The following HPF1 variants were observed in gnomAD, a reference collection of about 807,000 sequenced individuals.
HPF1 encodes the protein histone PARylation factor 1.
Under a neutral mutation model 38.8 loss-of-function variants are expected in HPF1, and 35 were observed. That is an observed-to-expected ratio of 0.90 (90% CI 0.69 to 1.19). HPF1 has a LOEUF of 1.19. Ranked by LOEUF, HPF1 falls within the 50% of genes most tolerant of loss-of-function variation. The probability of loss-of-function intolerance (pLI) is 0.00; values close to 1 mark genes in which losing one functional copy is unlikely to be tolerated. For missense variants in HPF1, 367 were observed against 405.8 expected (o/e 0.90, Z 0.82); for synonymous variants, 115 against 139.2 (o/e 0.83, Z 1.22).
At chr4:169,739,408 G>A (rs868385867) in intron 5 of HPF1, among the ~76,000 whole-genome samples, 8 of 151,804 alleles carry the variant, frequency 5.3e-5, no homozygotes, top group Admixed American at 2.0e-4. Flanking sequence ...ATAGAGAAAT[G>A]GGCAGAGTTC....
chr4:169,752,168 CTTTTTT>C, intron 2 of HPF1, among the ~76,000 whole-genome samples: 2 of 107,178 alleles, frequency 1.9e-5, no homozygotes, highest in East Asian at 2.7e-4. Context: ...ACAGGCATGA[CTTTTTT>C]TTTTTTTTTT....
At chr4:169,745,078 G>A (rs538665393) in intron 4 of HPF1, among the ~76,000 whole-genome samples, 25 of 152,312 alleles carry the variant, frequency 1.6e-4, no homozygotes, top group African/African-American at 5.1e-4. Context: ...CAACTCACTC[G>A]CCAATTTCAG....
chr4:169,738,718 ATCTT>A (rs1010475663), intron 5 of HPF1, among the ~76,000 whole-genome samples: 2 of 152,250 alleles, frequency 1.3e-5, no homozygotes, highest in Admixed American at 6.5e-5. Flanking sequence ...TTCTATCTTA[ATCTT>A]TCTATCAAGA....
At chr4:169,732,829 G>A (rs781229380) in intron 6 of HPF1, among the ~76,000 whole-genome samples, 1 of 152,138 alleles carries the variant, frequency 6.6e-6, no homozygotes, top group African/African-American at 2.4e-5. Flanking sequence ...TATTTACATA[G>A]TGTCTACTTT....
chr4:169,751,260 G>A (rs777149710), intron 2 of HPF1, among the ~76,000 whole-genome samples: 3 of 151,916 alleles, frequency 2.0e-5, no homozygotes, highest in East Asian at 1.9e-4. Flanking sequence ...AAAATTAGCC[G>A]GGTGTGGTGG....
At position 169,731,703 on chromosome 4, in the gene HPF1, CAT is replaced by C. The variant is rs773969091; in HGVS notation, c.908_909del (p.His303LeufsTer4). 1.9e-5 allele frequency: 29 copies of C among 1,534,322 alleles called. No homozygotes were observed. The highest frequency in any genetic ancestry group is 3.5e-4 in the Middle Eastern group (2 of 5,682). On this transcript the variant is annotated frameshift_variant and splice_region_variant, in exon 7 of 8. Transcript: ENST00000393381. LOFTEE classifies it high-confidence loss of function. ...AGAAGGTGGAGGGTTTTTTTACTCA[CAT>C]GTGAGCCATAGCAAAAGAGATCCAT... ...LGMDLFCYGS[H>X]YFHKVAGQLL...
intron 4 of HPF1, among the ~76,000 whole-genome samples, chr4:169,744,041 C>A (rs893439596): frequency 4.6e-5 from 7 of 152,128 alleles, no homozygotes; most frequent in Non-Finnish European, 1.5e-5. Flanking sequence ...CTAAATCTTA[C>A]CTTCAATTAT....
rs28647380 is a variant in HPF1 at position 169,733,842 on chromosome 4, C to T, written c.737-1966G>A. ...TGCAGGAGGTGCAGGCTGCAGTGAG[C>T]CGTGGTCATGCCACTGCACTCCAGC... On this transcript the variant is annotated intron_variant, in intron 6 of 7. Coordinates refer to ENST00000393381, the MANE Select transcript of HPF1 (RefSeq NM_017867.3). 7.0e-3 allele frequency among the ~76,000 whole-genome samples: 1,051 copies of T among 151,102 alleles called. 12 individuals carry two copies. Among genetic ancestry groups the T allele is most frequent in the African/African-American group, 0.022 (920 of 41,168 alleles).
At chr4:169,741,891 G>T in intron 5 of HPF1, 66 bp downstream of exon 5, 1 of 1,335,358 alleles carries the variant, frequency 7.5e-7, no homozygotes, top group Non-Finnish European at 1.1e-6. Context: ...AGTAGAGATG[G>T]GAAGGAATCA....
intron 7 of HPF1, 77 bp from the exon 8 acceptor site, chr4:169,729,786 G>C (rs1733806361): frequency 2.7e-6 from 3 of 1,096,192 alleles, no homozygotes; most frequent in Non-Finnish European, 3.6e-6. Context: ...TATCAACAAA[G>C]CACTTGTTTA....
chr4:169,751,402 C>CA (rs55661737), intron 2 of HPF1, among the ~76,000 whole-genome samples: 8,610 of 70,892 alleles, frequency 0.12, 1,094 homozygotes, highest in African/African-American at 0.32. Flanking sequence ...GGCTCTGTCT[C>CA]AAAAAAAAAA....
intron 4 of HPF1, among the ~76,000 whole-genome samples, chr4:169,746,640 G>C (rs1734050921): frequency 6.6e-6 from 1 of 151,874 alleles, no homozygotes; most frequent in Non-Finnish European, 1.5e-5. Flanking sequence ...GGTATGCCTT[G>C]AAAGACCTTA....
At chr4:169,736,867 C>T (rs72696683) in intron 6 of HPF1, among the ~76,000 whole-genome samples, 233 of 152,160 alleles carry the variant, frequency 1.5e-3, no homozygotes, top group Middle Eastern at 3.4e-3. Flanking sequence ...TTTTAATTCT[C>T]GATGTTTAAC....
intron 6 of HPF1, among the ~76,000 whole-genome samples, chr4:169,732,423 G>A (rs1733842253): frequency 6.6e-6 from 1 of 152,160 alleles, no homozygotes; most frequent in African/African-American, 2.4e-5. Flanking sequence ...ACAGGCGTGA[G>A]CCACTGGGCC....
At position 169,737,898 on chromosome 4, in the gene HPF1, A is replaced by G. The variant is rs187205042; in HGVS notation, c.649-151T>C. The G allele has an allele frequency of 2.2e-4, 137 of 626,404 alleles. 1 individual carries two copies. In the African/African-American group the frequency reaches 2.3e-3, roughly 10 times the overall value. The allele number at this position is 626,404 out of a possible 1,614,324, so 38.8% of individuals were successfully genotyped here. On this transcript the variant is annotated intron_variant, in intron 5 of 7. Transcript: ENST00000393381. ...ATTTGGACTCCAGGGTAAAAATTTA[A>G]CACTATTTTTTTCTTGAAAATCAGC... is the stretch of plus-strand genomic sequence containing the variant.
intron 1 of HPF1, among the ~76,000 whole-genome samples, chr4:169,757,117 C>T (rs1734197037): frequency 6.6e-6 from 1 of 152,148 alleles, no homozygotes. Flanking sequence ...ACAGAACTTC[C>T]GAAATCGTAG....
At chr4:169,751,961 G>A (rs1378911840) in intron 2 of HPF1, among the ~76,000 whole-genome samples, 1 of 152,072 alleles carries the variant, frequency 6.6e-6, no homozygotes, top group African/African-American at 2.4e-5. Context: ...ATCTGCTTTT[G>A]TCCTCCATCC....
rs532327196 is a variant in HPF1 at position 169,754,827 on chromosome 4, G to A, written c.49-992C>T. 3.3e-5 allele frequency among the ~76,000 whole-genome samples: 5 copies of A among 152,294 alleles called. 1 individual carries two copies. The highest frequency in any genetic ancestry group is 1.2e-4 in the African/African-American group (5 of 41,556). On this transcript the variant is annotated intron_variant, in intron 1 of 7. Transcript: ENST00000393381. Reference sequence around the variant, plus strand: ...TCAACATCCTATAATGCCCAGGATAGGCATCCTCAACAAAGACTACTGGCC... The same window carrying A: ...TCAACATCCTATAATGCCCAGGATAAGCATCCTCAACAAAGACTACTGGCC...
intron 5 of HPF1, among the ~76,000 whole-genome samples, chr4:169,739,426 TAA>T (rs1442718486): frequency 6.7e-6 from 1 of 148,614 alleles, no homozygotes; most frequent in Non-Finnish European, 1.5e-5. Flanking sequence ...TTCAGGCAGT[TAA>T]AAAAAAAATA....
Sources: gnomAD v4.1 joint callset for allele counts (sites outside exome capture counted in the v4.1 genomes callset) on GRCh38, gnomAD v4.1.1 for gene constraint, MANE v1.5 for transcripts, NCBI Gene and HGNC (gene_info 2026-07-23, HGNC 2026-07-21) for gene names.